ATE1: variants seen among roughly 807,000 people sequenced by gnomAD.
The protein encoded by ATE1 is arginyltransferase 1.
In ATE1, 36 loss-of-function variants were observed where a neutral mutation model predicts 70.5. That is an observed-to-expected ratio of 0.51 (90% confidence interval 0.39 to 0.67). The LOEUF is 0.67. ATE1 is among the 30% of genes least tolerant of loss of function. The probability of loss-of-function intolerance (pLI) is 0.00; values close to 1 mark genes in which losing one functional copy is unlikely to be tolerated. For synonymous variants in ATE1, 232 were observed against 219.3 expected (o/e 1.06, Z -0.51); for missense variants, 593 against 629.5 (o/e 0.94, Z 0.62).
intron 8 of ATE1, among the ~76,000 whole-genome samples, chr10:121,854,223 C>T (rs1352231480): frequency 2.0e-5 from 3 of 152,192 alleles, no homozygotes; most frequent in Non-Finnish European, 4.4e-5. Flanking sequence ...CCATATAAGA[C>T]AATAACCAGT....
intron 11 of ATE1, among the ~76,000 whole-genome samples, chr10:121,762,402 G>A (rs1011289455): frequency 5.3e-5 from 8 of 152,112 alleles, no homozygotes; most frequent in Middle Eastern, 6.3e-3. Flanking sequence ...AAATCCTCAG[G>A]AGACTTGATA....
At chr10:121,871,181 G>A (rs1467706805) in intron 7 of ATE1, among the ~76,000 whole-genome samples, 3 of 152,198 alleles carry the variant, frequency 2.0e-5, no homozygotes, top group Non-Finnish European at 4.4e-5. Context: ...CTAGCTGGGC[G>A]TGGTGGCTCA....
chr10:121,926,490 G>T (rs1952095843), intron 1 of ATE1, among the ~76,000 whole-genome samples: 1 of 152,156 alleles, frequency 6.6e-6, no homozygotes, highest in Non-Finnish European at 1.5e-5. Context: ...AGAAATTGAT[G>T]ATTATTTTCT....
intron 11 of ATE1, among the ~76,000 whole-genome samples, chr10:121,778,832 A>T (rs1420264576): frequency 6.6e-6 from 1 of 151,892 alleles, no homozygotes; most frequent in Admixed American, 6.6e-5. Flanking sequence ...TGAACTCCTG[A>T]CCTCAAGTGA....
intron 10 of ATE1, among the ~76,000 whole-genome samples, chr10:121,813,326 T>C (rs1233098653): frequency 6.6e-6 from 1 of 152,200 alleles, no homozygotes; most frequent in Admixed American, 6.5e-5. Context: ...CAGCTCTTTA[T>C]CCCTCCTCAT....
intron 8 of ATE1, among the ~76,000 whole-genome samples, chr10:121,859,010 G>A (rs758170293): frequency 2.0e-5 from 3 of 151,724 alleles, no homozygotes; most frequent in Non-Finnish European, 4.4e-5. Flanking sequence ...CTGGAGAATA[G>A]CTTGAACCTG....
chr10:121,791,292 CCA>C (rs1946446181), intron 10 of ATE1, among the ~76,000 whole-genome samples: 1 of 151,710 alleles, frequency 6.6e-6, no homozygotes, highest in Non-Finnish European at 1.5e-5. Context: ...GGGGGTTTCA[CCA>C]TGCTGGCCAG....
chr10:121,889,631 T>C (rs895435059), intron 7 of ATE1, among the ~76,000 whole-genome samples: 2 of 152,058 alleles, frequency 1.3e-5, no homozygotes, highest in African/African-American at 4.8e-5. Context: ...AGCAAGACTC[T>C]ACCTCTACAA....
At chr10:121,856,818 A>G (rs1324952004) in intron 8 of ATE1, among the ~76,000 whole-genome samples, 2 of 152,232 alleles carry the variant, frequency 1.3e-5, no homozygotes, top group East Asian at 3.8e-4. Context: ...AAAACGGTGT[A>G]TCTGAGAAGT....
At position 121,740,512 on chromosome 10, in the gene ATE1, G is replaced by A. The variant is rs1421165483; in HGVS notation, c.*3168C>T. ...TATACAAGAGCAAAAAATACCACATGCAGTCAAACTTCTTTTGCCTTATAG... is the reference window on the plus strand; with the variant it reads ...TATACAAGAGCAAAAAATACCACATACAGTCAAACTTCTTTTGCCTTATAG... On this transcript the variant is annotated 3_prime_UTR_variant, in exon 12 of 12. Transcript: ENST00000224652. 1.3e-5 allele frequency: 2 copies of A among 152,042 alleles called. No homozygotes were observed. Among genetic ancestry groups the A allele is most frequent in the Non-Finnish European group, 1.5e-5 (1 of 68,018 alleles). 9.4% of individuals were successfully genotyped at this position (152,042 alleles called of 1,614,324 possible).
chr10:121,925,935 G>A (rs1377270965), intron 1 of ATE1, among the ~76,000 whole-genome samples: 1 of 152,006 alleles, frequency 6.6e-6, no homozygotes, highest in Non-Finnish European at 1.5e-5. Flanking sequence ...GCCAGGTGCA[G>A]TGGCTCATGC....
At chr10:121,780,014 G>A (rs1945915197) in intron 11 of ATE1, among the ~76,000 whole-genome samples, 1 of 152,102 alleles carries the variant, frequency 6.6e-6, no homozygotes, top group African/African-American at 2.4e-5. Context: ...CTGGGCCCTT[G>A]GGGCTGTCCT....
intron 7 of ATE1, among the ~76,000 whole-genome samples, chr10:121,883,166 C>A (rs187401373): frequency 5.9e-4 from 90 of 152,210 alleles, no homozygotes; most frequent in African/African-American, 2.0e-3. Context: ...CTCCTTTATA[C>A]CTGCTCTATT....
intron 10 of ATE1, among the ~76,000 whole-genome samples, chr10:121,801,202 T>C (rs1714762043): frequency 6.6e-6 from 1 of 152,328 alleles, no homozygotes; most frequent in South Asian, 2.1e-4. Context: ...ACATATTTTT[T>C]CCACTGACAA....
chr10:121,744,413 CA>C (rs1484820396), intron 11 of ATE1, among the ~76,000 whole-genome samples: 6 of 152,042 alleles, frequency 3.9e-5, no homozygotes, highest in Non-Finnish European at 1.5e-5. Flanking sequence ...AAACACCAAG[CA>C]GAGACAAAAT....
chr10:121,910,814 A>G (rs1951391764), intron 5 of ATE1, 92 bp downstream of exon 5: 1 of 1,549,410 alleles, frequency 6.5e-7, no homozygotes, highest in African/African-American at 1.4e-5. Context: ...CGACTAAGTC[A>G]TCCTTTTGGC....
At chr10:121,900,873 A>G (rs944220493) in intron 6 of ATE1, among the ~76,000 whole-genome samples, 26 of 152,318 alleles carry the variant, frequency 1.7e-4, no homozygotes, top group African/African-American at 5.8e-4. Flanking sequence ...AAGATAAAAG[A>G]CACCTTGTAA....
intron 2 of ATE1, 81 bp from the exon 3 acceptor site, chr10:121,922,492 T>A (rs1951921288): frequency 3.6e-6 from 3 of 831,088 alleles, no homozygotes; most frequent in Non-Finnish European, 5.9e-6. Flanking sequence ...AGCATTAAAT[T>A]AAGGTTAAAA....
At position 121,743,729 on chromosome 10, in the gene ATE1, C is replaced by A; in HGVS notation, c.1508G>T (p.Ser503Ile). ...SEEAAVLQYA[S>I]LVGQKCSERM... ...CTCGGAGCACTTCTGCCCCACCAGG[C>A]TGGCGTACTGCAGAACAGCAGCCTC... Residue 503 changes from serine (S) to isoleucine (I), a missense_variant, in exon 12 of 12, where the codon AGC becomes ATC. Ser to Ile is a moderately radical substitution (Grantham distance 142, BLOSUM62 -2). Coordinates refer to ENST00000224652, the MANE Select transcript of ATE1 (RefSeq NM_001001976.3). 1 of 1,614,020 alleles carries A rather than the reference C, an allele frequency of 6.2e-7. No individual in the cohort carries two copies. The highest frequency in any genetic ancestry group is 2.2e-5 in the East Asian group (1 of 44,864).
Sources: allele counts gnomAD v4.1 joint callset (sites outside exome capture counted in the v4.1 genomes callset), GRCh38; gene constraint gnomAD v4.1.1; transcripts MANE v1.5; gene names NCBI Gene and HGNC (gene_info 2026-07-23, HGNC 2026-07-21).